Variants in SLC30A8 observed in about 807,000 individuals in gnomAD.
SLC30A8 encodes the protein solute carrier family 30 member 8.
A neutral mutation model predicts 36.9 loss-of-function variants in SLC30A8; 27 were observed. The observed-to-expected ratio is 0.73, with a 90% confidence interval of 0.54 to 1.01. The LOEUF is 1.01. Among genes scored for constraint, SLC30A8 ranks in the 50% least tolerant of loss-of-function variants. The probability of loss-of-function intolerance (pLI) is 0.00; values close to 1 mark genes in which losing one functional copy is unlikely to be tolerated. For missense variants in SLC30A8, 439 were observed against 452.0 expected, an observed-to-expected ratio of 0.97 and a Z score of 0.26; for synonymous variants, 164 against 172.4, an observed-to-expected ratio of 0.95 and a Z score of 0.38.
At chr8:116,986,967 T>C (rs1815465182) in intron 1 of SLC30A8, among the ~76,000 whole-genome samples, 1 of 152,178 alleles carries the variant, frequency 6.6e-6, no homozygotes, top group South Asian at 2.1e-4. Context: ...CATAGTCCTT[T>C]ATAGGTCTAT....
chr8:117,090,794 C>A (rs1334171365), intron 2 of SLC30A8, among the ~76,000 whole-genome samples: 1 of 152,170 alleles, frequency 6.6e-6, no homozygotes, highest in African/African-American at 2.4e-5. Context: ...CCATGGCAGC[C>A]ATACTTAGCT....
intron 6 of SLC30A8, 49 bp downstream of exon 6, chr8:117,163,579 T>TTTTGTGATTCTAGGGAAG: frequency 1.4e-6 from 2 of 1,389,560 alleles, no homozygotes; most frequent in African/African-American, 1.4e-5. Context: ...TTCTCTTCCC[T>TTTTGTGATTCTAGGGAAG]AGAATCACAA....
chr8:117,156,746 A>T (rs1484195032), intron 3 of SLC30A8, among the ~76,000 whole-genome samples: 1 of 152,238 alleles, frequency 6.6e-6, no homozygotes, highest in Non-Finnish European at 1.5e-5. Context: ...AAAAATATCG[A>T]GTGGTTAATA....
In SLC30A8 at chr8:117,143,714, C is replaced by A. The variant is rs531583551; in HGVS notation, c.72-3240C>A. On this transcript the variant is annotated intron_variant, in intron 1 of 7. Coordinates refer to ENST00000456015, the MANE Select transcript of SLC30A8 (RefSeq NM_173851.3). ...CACACACACTCACACATGAACACAT[C>A]GTATACAATTCCAATGGACCTTATG... Among the ~76,000 whole-genome samples the A allele has an allele frequency of 2.9e-4, 38 of 132,498 alleles. 1 individual carries two copies. In the South Asian group the frequency reaches 9.4e-3, roughly 33 times the overall value. The allele number at this position is 132,498 out of a possible 152,430, so 86.9% of individuals were successfully genotyped here. A position where few individuals can be genotyped will look rare whatever the true frequency, so the allele number is the denominator to read the frequency against.
chr8:116,963,569 G>A (rs1325412887), intron 1 of SLC30A8, among the ~76,000 whole-genome samples: 11 of 152,186 alleles, frequency 7.2e-5, no homozygotes, highest in South Asian at 2.1e-4. Flanking sequence ...TTTAGGTTTC[G>A]TCCATATTGC....
chr8:117,151,708 TTGCAGCG>T (rs1474256994), intron 2 of SLC30A8, among the ~76,000 whole-genome samples: 3 of 152,386 alleles, frequency 2.0e-5, no homozygotes, highest in East Asian at 3.9e-4. Context: ...ATTGCTGTGA[TTGCAGCG>T]TACTGCTTAT....
chr8:117,011,073 G>A (rs533303569), intron 1 of SLC30A8, among the ~76,000 whole-genome samples: 2 of 152,226 alleles, frequency 1.3e-5, no homozygotes, highest in African/African-American at 4.8e-5. Flanking sequence ...ATTCTACTAC[G>A]CTAAACTCTT....
intron 1 of SLC30A8, among the ~76,000 whole-genome samples, chr8:117,013,418 A>C: frequency 6.6e-6 from 1 of 152,196 alleles, no homozygotes; most frequent in East Asian, 1.9e-4. Flanking sequence ...AGCAGCAGAG[A>C]TGTTCAGTGG....
chr8:116,971,342 G>T (rs1039318718), intron 1 of SLC30A8, among the ~76,000 whole-genome samples: 3 of 151,766 alleles, frequency 2.0e-5, no homozygotes, highest in Non-Finnish European at 4.4e-5. Context: ...AATTAAAGTA[G>T]CTGTGGTGGG....
At chr8:117,110,829 G>A (rs755669268) in intron 2 of SLC30A8, among the ~76,000 whole-genome samples, 5 of 152,234 alleles carry the variant, frequency 3.3e-5, no homozygotes, top group Middle Eastern at 3.4e-3. Context: ...CAATAGCCCC[G>A]AGAGATGAGA....
chr8:117,106,709 A>G (rs1820011417), intron 2 of SLC30A8, among the ~76,000 whole-genome samples: 1 of 152,128 alleles, frequency 6.6e-6, no homozygotes, highest in Non-Finnish European at 1.5e-5. Flanking sequence ...TCCACCTGGA[A>G]TCCCCAGCCC....
At chr8:117,052,114 G>A (rs759322584) in intron 2 of SLC30A8, among the ~76,000 whole-genome samples, 11 of 152,202 alleles carry the variant, frequency 7.2e-5, no homozygotes, top group Admixed American at 2.6e-4. Flanking sequence ...GGGTTCAAGC[G>A]ATTCTCCTGC....
At chr8:117,058,139 T>C (rs944789162) in intron 2 of SLC30A8, among the ~76,000 whole-genome samples, 4 of 152,190 alleles carry the variant, frequency 2.6e-5, no homozygotes, top group Non-Finnish European at 5.9e-5. Context: ...TCATGATTAG[T>C]GATGTTGAGG....
At chr8:116,999,425 C>G (rs1815932810) in intron 1 of SLC30A8, among the ~76,000 whole-genome samples, 1 of 151,994 alleles carries the variant, frequency 6.6e-6, no homozygotes, top group Admixed American at 6.6e-5. Flanking sequence ...AGAGTGACAG[C>G]AAGAGAGGGA....
At chr8:116,988,773 A>G (rs1815535611) in intron 1 of SLC30A8, among the ~76,000 whole-genome samples, 2 of 152,224 alleles carry the variant, frequency 1.3e-5, no homozygotes, top group South Asian at 4.1e-4. Context: ...AAGTATTTTT[A>G]GACCAGCTGG....
At chr8:117,007,834 TA>T (rs1466393618) in intron 1 of SLC30A8, among the ~76,000 whole-genome samples, 15 of 152,100 alleles carry the variant, frequency 9.9e-5, no homozygotes, top group Non-Finnish European at 2.1e-4. Flanking sequence ...TATTCTTTTT[TA>T]AAAAAAGTCA....
intron 2 of SLC30A8, among the ~76,000 whole-genome samples, chr8:117,081,283 A>T (rs932197277): frequency 6.6e-6 from 1 of 152,242 alleles, no homozygotes; most frequent in African/African-American, 2.4e-5. Flanking sequence ...AAATAACAGA[A>T]ATATTACAGC....
In SLC30A8 at chr8:117,171,155, T is replaced by TC; in HGVS notation, c.952dup (p.His318ProfsTer19). 1.2e-6 allele frequency: 2 copies of TC among 1,613,530 alleles called. No individual in the cohort carries two copies. Among genetic ancestry groups the TC allele is most frequent in the African/African-American group, 1.3e-5 (1 of 74,998 alleles). On this transcript the variant is annotated frameshift_variant, in exon 7 of 8. Coordinates refer to ENST00000456015, the MANE Select transcript of SLC30A8 (RefSeq NM_173851.3). LOFTEE classifies it high-confidence loss of function. Reference sequence around the variant, plus strand: ...CAATGAATCAAGTAATTCTCTCAGCTCATGTTGCTACAGGTCAGTGAGTTT... The same window carrying TC: ...CAATGAATCAAGTAATTCTCTCAGCTCCATGTTGCTACAGGTCAGTGAGTTT...
intron 2 of SLC30A8, among the ~76,000 whole-genome samples, chr8:117,086,996 A>T (rs1818904491): frequency 6.6e-6 from 1 of 152,210 alleles, no homozygotes; most frequent in Non-Finnish European, 1.5e-5. Context: ...TGCTGGCTGT[A>T]TGTATATAGG....
Sources: gnomAD v4.1 joint callset for allele counts (sites outside exome capture counted in the v4.1 genomes callset) on GRCh38, gnomAD v4.1.1 for gene constraint, MANE v1.5 for transcripts, NCBI Gene and HGNC (gene_info 2026-07-23, HGNC 2026-07-21) for gene names.